GPHN: variants seen among roughly 807,000 people sequenced by gnomAD.
The protein encoded by GPHN is gephyrin.
GPHN carries 17 observed loss-of-function variants against 95.5 expected under a neutral mutation model. The observed-to-expected ratio is 0.18, with a 90% CI of 0.12 to 0.27. GPHN has a LOEUF of 0.27. Among genes scored for constraint, GPHN ranks in the 10% least tolerant of loss-of-function variants. GPHN has a pLI of 1.00. For synonymous variants in GPHN, 320 were observed against 322.5 expected (o/e 0.99, Z 0.08); for missense variants, 660 against 978.1 (o/e 0.67, Z 4.34).
intron 1 of GPHN, among the ~76,000 whole-genome samples, chr14:66,529,755 G>T (rs2058836707): frequency 6.6e-6 from 1 of 152,118 alleles, no homozygotes; most frequent in African/African-American, 2.4e-5. Flanking sequence ...GTTTGCTGGA[G>T]GTCCACTCCA....
intron 9 of GPHN, among the ~76,000 whole-genome samples, chr14:66,991,883 A>G (rs183513876): frequency 0.013 from 1,941 of 151,294 alleles, 23 homozygotes; most frequent in Admixed American, 0.019. Context: ...AAAAAAAAAA[A>G]AAAAGAAAAG....
At chr14:67,071,932 A>C (rs1255858851) in intron 11 of GPHN, among the ~76,000 whole-genome samples, 4 of 152,142 alleles carry the variant, frequency 2.6e-5, no homozygotes, top group African/African-American at 4.8e-5. Context: ...ATTTTTCAAT[A>C]GGATTTTTAA....
At chr14:67,328,089 G>A in the GPHN span, among the ~76,000 whole-genome samples, 63 of 152,140 alleles carry the variant, frequency 4.1e-4, 1 homozygote, top group South Asian at 2.1e-3. Flanking sequence ...ACTAGTTTAC[G>A]GTCCCACCAA....
the GPHN span, chr14:67,585,857 C>A: frequency 3.0e-6 from 4 of 1,352,964 alleles, no homozygotes; most frequent in Non-Finnish European, 4.1e-6. Context: ...TGGGAGTTCT[C>A]CTTTCCTGTG....
intron 3 of GPHN, among the ~76,000 whole-genome samples, chr14:66,790,375 C>T (rs1228971263): frequency 6.6e-6 from 1 of 152,212 alleles, no homozygotes; most frequent in South Asian, 2.1e-4. Context: ...TCCAGGGCCA[C>T]TATTGGGAAA....
At chr14:66,936,101 A>G (rs754201999) in intron 8 of GPHN, among the ~76,000 whole-genome samples, 23 of 152,148 alleles carry the variant, frequency 1.5e-4, no homozygotes, top group Non-Finnish European at 2.2e-4. Flanking sequence ...ATTGGGGTCC[A>G]GGTGCGGTGG....
At chr14:66,791,154 C>G (rs1382147289) in intron 3 of GPHN, among the ~76,000 whole-genome samples, 1 of 152,134 alleles carries the variant, frequency 6.6e-6, no homozygotes, top group Non-Finnish European at 1.5e-5. Flanking sequence ...TCTAACTTTC[C>G]CAAGTTGGGA....
chr14:67,075,348 A>G (rs2076455670), intron 11 of GPHN, among the ~76,000 whole-genome samples: 1 of 152,210 alleles, frequency 6.6e-6, no homozygotes. Context: ...CTTTCAAAAT[A>G]TAACTATTAT....
chr14:67,320,652 A>G, the GPHN span, among the ~76,000 whole-genome samples: 11 of 152,134 alleles, frequency 7.2e-5, no homozygotes, highest in African/African-American at 2.7e-4. Flanking sequence ...TTCCTGTTCC[A>G]TAGAGAATCA....
At chr14:67,576,394 GGATAC>G in the GPHN span, 4 of 1,582,774 alleles carry the variant, frequency 2.5e-6, no homozygotes, top group Admixed American at 6.7e-5. The surrounding 1 kb of genome is among the most constrained non-coding windows in gnomAD (Gnocchi z 4.0). Flanking sequence ...CCCTCTTCCA[GGATAC>G]GTGGCTCTAC....
At chr14:66,756,364 C>T (rs559089305) in intron 2 of GPHN, among the ~76,000 whole-genome samples, 2 of 152,080 alleles carry the variant, frequency 1.3e-5, no homozygotes, top group Admixed American at 6.5e-5. Flanking sequence ...ATATTGCTGT[C>T]ATTCCTCCAT....
chr14:67,202,601 G>A, the GPHN span, among the ~76,000 whole-genome samples: 1 of 152,198 alleles, frequency 6.6e-6, no homozygotes, highest in Non-Finnish European at 1.5e-5. Flanking sequence ...GCAAGAGTTT[G>A]TGGAATTTAT....
At chr14:67,075,545 T>C (rs181435083) in intron 11 of GPHN, among the ~76,000 whole-genome samples, 24 of 152,268 alleles carry the variant, frequency 1.6e-4, no homozygotes, top group Admixed American at 1.6e-3. Flanking sequence ...ATTCCTATAG[T>C]GGATCTGAGC....
chr14:67,035,438 G>A (rs75348796), intron 10 of GPHN, among the ~76,000 whole-genome samples: 2,831 of 151,868 alleles, frequency 0.019, 39 homozygotes, highest in African/African-American at 0.026. Context: ...AGGAAAAAAA[G>A]CAATGAAACT....
chr14:67,597,579 C>G, the GPHN span, among the ~76,000 whole-genome samples: 16 of 151,970 alleles, frequency 1.1e-4, no homozygotes, highest in African/African-American at 3.6e-4. Flanking sequence ...AGTACTGGGT[C>G]TCTGATGATC....
At chr14:66,612,874 A>C (rs2062842415) in intron 1 of GPHN, among the ~76,000 whole-genome samples, 2 of 152,112 alleles carry the variant, frequency 1.3e-5, no homozygotes, top group South Asian at 4.1e-4. Context: ...TGCTTGGAAC[A>C]ATAGTCCATT....
At chr14:67,332,641 T>A in the GPHN span, 1 of 787,886 alleles carries the variant, frequency 1.3e-6, no homozygotes, top group South Asian at 2.1e-5. Flanking sequence ...GTGACAGGGT[T>A]GGAAAGGAGC....
the GPHN span, among the ~76,000 whole-genome samples, chr14:67,719,412 G>A: frequency 6.6e-6 from 1 of 152,174 alleles, no homozygotes; most frequent in East Asian, 1.9e-4. Context: ...CAGTTCATTT[G>A]GAAGCCTGTG....
intron 1 of GPHN, among the ~76,000 whole-genome samples, chr14:66,669,568 T>C (rs1304203691): frequency 6.6e-6 from 1 of 152,112 alleles, no homozygotes; most frequent in Non-Finnish European, 1.5e-5. Flanking sequence ...TAACTTTAGT[T>C]CTTTTGTTAT....
Sources: allele counts gnomAD v4.1 joint callset (sites outside exome capture counted in the v4.1 genomes callset), GRCh38; gene constraint gnomAD v4.1.1; non-coding constraint Gnocchi (gnomAD v3.1); transcripts MANE v1.5; gene names NCBI Gene and HGNC (gene_info 2026-07-23, HGNC 2026-07-21).